Variants in SLX4 observed in about 807,000 individuals in gnomAD.
SLX4 encodes structure-specific endonuclease subunit SLX4.
In SLX4, 112 loss-of-function variants were observed where a neutral mutation model predicts 146.2. The observed-to-expected ratio is 0.77, with a 90% CI of 0.66 to 0.90. SLX4 has a LOEUF of 0.90. Among genes scored for constraint, SLX4 ranks in the 40% least tolerant of loss-of-function variants. SLX4 has a pLI of 0.00. For missense variants in SLX4, 2,563 were observed against 2,392.7 expected (o/e 1.07, Z -1.49); for synonymous variants, 1,061 against 997.7 (o/e 1.06, Z -1.20).
intron 10 of SLX4, 48 bp downstream of exon 10, chr16:3,594,405 G>C (rs778609429): frequency 1.3e-6 from 2 of 1,584,154 alleles, no homozygotes; most frequent in Non-Finnish European, 8.6e-7. Flanking sequence ...GGCAGGAGGA[G>C]AGAGGGAGAG....
In SLX4 at chr16:3,584,759, G is replaced by A. The variant is rs937118239; in HGVS notation, c.4739+10C>T. 1.9e-6 allele frequency: 3 copies of A among 1,605,996 alleles called. No individual in the cohort carries two copies. The highest frequency in any genetic ancestry group is 2.6e-6 in the Non-Finnish European group (3 of 1,172,822). On this transcript the variant is annotated intron_variant, in intron 13 of 14. Transcript: ENST00000294008. Reference sequence around the variant, plus strand: ...ACCACTGTGGGCAACAAGCTTTGAAGACCGCCAACCTATCCAGTTCCTTCT... The same window carrying A: ...ACCACTGTGGGCAACAAGCTTTGAAAACCGCCAACCTATCCAGTTCCTTCT...
intron 4 of SLX4, 25 bp downstream of exon 4, chr16:3,602,087 CGGGAGA>C: frequency 6.2e-7 from 1 of 1,613,682 alleles, no homozygotes. Flanking sequence ...GTCACATACA[CGGGAGA>C]GGCGACGGCC....
intron 12 of SLX4, among the ~76,000 whole-genome samples, chr16:3,588,173 A>C (rs752406197): frequency 5.9e-5 from 9 of 152,068 alleles, no homozygotes; most frequent in Non-Finnish European, 1.2e-4. Flanking sequence ...ACCTCTATCT[A>C]TTTGCAAAAC....
Position 3,596,029 on chromosome 16 carries a change from G to T in SLX4, c.1924+124C>A. ...AAATGAAAGCGCCCAGAGGCTGCGT[G>T]TTCTCCCACCAGGTCAGAGCTGCCG... On this transcript the variant is annotated intron_variant, in intron 8 of 14. Transcript: ENST00000294008. 4 of 1,388,674 alleles carry T rather than the reference G, an allele frequency of 2.9e-6. No homozygotes were observed. The South Asian group carries it at 4.4e-5, about 15-fold the overall frequency. 86.0% of individuals were successfully genotyped at this position (1,388,674 alleles called of 1,614,324 possible).
At position 3,582,017 on chromosome 16, in the gene SLX4, TA is replaced by T. The variant is rs1454619656; in HGVS notation, c.*324del. 7 of 393,206 alleles carry T rather than the reference TA, an allele frequency of 1.8e-5. No homozygotes were observed. The highest frequency in any genetic ancestry group is 1.4e-4 in the African/African-American group (7 of 49,650). The allele number at this position is 393,206 out of a possible 1,614,324, so 24.4% of individuals were successfully genotyped here. Reference sequence around the variant, plus strand: ...GAGATTGTGCCACTGCACTCCAGCCTAGGTGACACAGCACGACTGTCTCAAA... The same window carrying T: ...GAGATTGTGCCACTGCACTCCAGCCTGGTGACACAGCACGACTGTCTCAAA... On this transcript the variant is annotated 3_prime_UTR_variant, in exon 15 of 15. Transcript: ENST00000294008.
chr16:3,584,841 G>T lies in SLX4; in HGVS notation c.4667C>A (p.Pro1556His). 1.2e-6 allele frequency: 2 copies of T among 1,614,038 alleles called. No homozygotes were observed. Among genetic ancestry groups the T allele is most frequent in the Non-Finnish European group, 1.7e-6 (2 of 1,179,908 alleles). Residue 1556 changes from proline (P) to histidine (H), a missense_variant, in exon 13 of 15, where the codon CCC (proline) becomes CAC (histidine). Physicochemically the swap from Pro to His is moderately conservative, Grantham distance 77. Transcript: ENST00000294008. ...KGANRKKNLPPKVPITPMPQY... is the reference protein window; with the variant it reads ...KGANRKKNLPHKVPITPMPQY... ...TGGCATCGGCGTTATGGGCACTTTG[G>T]GGGGCAAGTTCTTCTTCCGATTAGC...
intron 3 of SLX4, among the ~76,000 whole-genome samples, chr16:3,603,081 C>CT (rs773505102): frequency 4.6e-4 from 70 of 152,262 alleles, no homozygotes; most frequent in Non-Finnish European, 5.9e-5. Context: ...GAGATGGAGT[C>CT]TCACACTCTG....
intron 11 of SLX4, 66 bp from the exon 12 acceptor site, chr16:3,591,376 G>T: frequency 6.3e-7 from 1 of 1,595,674 alleles, no homozygotes. Flanking sequence ...TGCCCCGGTG[G>T]GGTGGCGGAC....
At chr16:3,602,638 C>A (rs1201679676) in intron 3 of SLX4, among the ~76,000 whole-genome samples, 3 of 152,264 alleles carry the variant, frequency 2.0e-5, no homozygotes, top group Admixed American at 6.5e-5. Context: ...GCTGGCAGCA[C>A]AGGACCACTC....
chr16:3,599,828 C>T (rs976652786), intron 5 of SLX4, among the ~76,000 whole-genome samples: 20 of 152,182 alleles, frequency 1.3e-4, no homozygotes, highest in African/African-American at 4.8e-4. Flanking sequence ...TCAAGTGATC[C>T]TTCCGCCCTG....
intron 3 of SLX4, among the ~76,000 whole-genome samples, chr16:3,603,910 A>C (rs2040755697): frequency 6.6e-6 from 1 of 152,198 alleles, no homozygotes. Flanking sequence ...ATCTTATAAT[A>C]CAATTAGCCT....
intron 10 of SLX4, among the ~76,000 whole-genome samples, chr16:3,594,133 C>T (rs1041428496): frequency 2.6e-5 from 4 of 152,170 alleles, no homozygotes; most frequent in Non-Finnish European, 5.9e-5. Flanking sequence ...TCCCAAAGTG[C>T]TGGAATTACA....
chr16:3,596,356 G>T lies in SLX4; in HGVS notation c.1721C>A (p.Pro574His). The change falls in exon 8 of 15, where the codon CCT becomes CAT. Residue 574 changes from proline to histidine, a missense_variant. Transcript: ENST00000294008. ...MQEPVPPLVP[P>H]EHSELSERRS... ...TCGCTCGCTCAGCTCTGAGTGCTCAGGTGGCACCAGAGGCGGCACGGGCTC... is the reference window on the plus strand; with the variant it reads ...TCGCTCGCTCAGCTCTGAGTGCTCATGTGGCACCAGAGGCGGCACGGGCTC... 1 of 1,597,196 alleles carries T rather than the reference G, an allele frequency of 6.3e-7. No homozygotes were observed. Among genetic ancestry groups the T allele is most frequent in the Non-Finnish European group, 8.5e-7 (1 of 1,171,518 alleles).
Position 3,600,989 on chromosome 16 carries a change from G to T in SLX4, c.1153C>A (p.Pro385Thr), listed in dbSNP as rs115694169. 4,846 of 1,613,620 alleles carry T rather than the reference G, an allele frequency of 3.0e-3. 40 individuals are homozygous for T. Among genetic ancestry groups the T allele is most frequent in the African/African-American group, 0.028 (2,125 of 74,978 alleles). Residue 385 changes from proline (P) to threonine (T), a missense_variant, in exon 5 of 15, where the codon CCC (proline) becomes ACC (threonine). Pro to Thr is a conservative substitution (Grantham distance 38). Transcript: ENST00000294008. ...TAQPEGSSSP[P>T]MFSFSDHSRG... The stretch of plus-strand genomic sequence containing the variant: ...TTTTCGTCGACTTACCTGAACATGG[G>T]TGGGCTGCTGCTACCCTCAGGCTGT...
intron 4 of SLX4, chr16:3,601,441 C>A (rs1316165587): frequency 1.9e-6 from 1 of 533,228 alleles, no homozygotes; most frequent in Admixed American, 3.1e-5. Flanking sequence ...AGAAATTCCA[C>A]TCCTAAGTAG....
Position 3,608,690 on chromosome 16 carries a change from C to T in SLX4, c.275G>A (p.Arg92Lys), listed in dbSNP as rs1420487242. ...NGTQIRSKLKRTKQTATKTKT... is the reference protein window; with the variant it reads ...NGTQIRSKLKKTKQTATKTKT... ...GGTCTTGGTAGCAGTTTGTTTGGTCCTTTTCAATTTGCTTCTTATCTGAGT... is the reference window on the plus strand; with the variant it reads ...GGTCTTGGTAGCAGTTTGTTTGGTCTTTTTCAATTTGCTTCTTATCTGAGT... The change falls in exon 2 of 15, where the codon AGG (arginine) becomes AAG (lysine). Residue 92 changes from arginine to lysine, a missense_variant. Coordinates refer to ENST00000294008, the MANE Select transcript of SLX4 (RefSeq NM_032444.4). 4 of 1,614,198 alleles carry T rather than the reference C, an allele frequency of 2.5e-6. No individual in the cohort carries two copies. Among genetic ancestry groups the T allele is most frequent in the Non-Finnish European group, 3.4e-6 (4 of 1,180,042 alleles).
chr16:3,590,432 C>G lies in SLX4; in HGVS notation c.3206G>C (p.Gly1069Ala), dbSNP rs2040570857. 6.2e-7 allele frequency: 1 copy of G among 1,614,052 alleles called. No homozygotes were observed. The highest frequency in any genetic ancestry group is 8.5e-7 in the Non-Finnish European group (1 of 1,180,018). The change falls in exon 12 of 15, where the codon GGC becomes GCC. Residue 1069 changes from glycine (G) to alanine (A), a missense_variant. Gly to Ala is a moderately conservative substitution (Grantham distance 60, BLOSUM62 0). Transcript: ENST00000294008. This position sits in a 1 kb window ranked among gnomAD's most constrained non-coding sequence, Gnocchi z 4.8. ...PRSRGGTSQV[G>A]SPTLLSPAVP... is the part of the protein sequence containing the mutation. ...AGCTGGAGACAGCAAGGTTGGGGAG[C>G]CCACCTGGGAAGTTCCGCCACGGGA... is the stretch of plus-strand genomic sequence containing the variant.
rs2151124154 is a variant in SLX4, at chr16:3,590,465, G to A, written c.3173C>T (p.Thr1058Ile). 1 of 1,614,160 alleles carries A rather than the reference G, an allele frequency of 6.2e-7. No homozygotes were observed. The highest frequency in any genetic ancestry group is 8.5e-7 in the Non-Finnish European group (1 of 1,179,996). The change falls in exon 12 of 15, where the codon ACA (threonine) becomes ATA (isoleucine). Residue 1058 changes from threonine to isoleucine, a missense_variant. Transcript: ENST00000294008. This position sits in a 1 kb window ranked among gnomAD's most constrained non-coding sequence, Gnocchi z 4.8. ...SHHTSGSSLS[T>I]PRSRGGTSQV... is the part of the protein sequence containing the mutation. ...GGAAGTTCCGCCACGGGACCGGGGT[G>A]TTGACAGGGACGACCCACTTGTGTG...
chr16:3,610,557 AAGC>A, intron 1 of SLX4, among the ~76,000 whole-genome samples: 1 of 152,340 alleles, frequency 6.6e-6, no homozygotes, highest in African/African-American at 2.4e-5. Flanking sequence ...AAACACGCGC[AAGC>A]AGAATGAGGA....
Sources: allele counts gnomAD v4.1 joint callset (sites outside exome capture counted in the v4.1 genomes callset), GRCh38; gene constraint gnomAD v4.1.1; non-coding constraint Gnocchi (gnomAD v3.1); transcripts MANE v1.5; gene names NCBI Gene and HGNC (gene_info 2026-07-23, HGNC 2026-07-21).